The following EDC3 variants were observed in gnomAD, a reference collection of about 807,000 sequenced individuals.
EDC3 encodes enhancer of mRNA decapping 3, also known as enhancer of mRNA-decapping protein 3.
Under a neutral mutation model 41.8 loss-of-function variants are expected in EDC3, and 20 were observed. The ratio of observed to expected loss-of-function variants is 0.48; its 90% CI spans 0.34 to 0.70. EDC3 has a LOEUF of 0.70. Among genes scored for constraint, EDC3 ranks in the 30% least tolerant of loss-of-function variants. EDC3 has a pLI of 0.01. For missense variants in EDC3, 444 were observed against 636.8 expected, an observed-to-expected ratio of 0.70 and a Z score of 3.26; for synonymous variants, 206 against 243.2, an observed-to-expected ratio of 0.85 and a Z score of 1.42.
intron 1 of EDC3, among the ~76,000 whole-genome samples, chr15:74,689,548 G>C (rs778608153): frequency 1.1e-4 from 16 of 149,758 alleles, no homozygotes; most frequent in Non-Finnish European, 2.2e-4. Flanking sequence ...TTTTTGAGAC[G>C]GAGTCTCGCT....
chr15:74,639,063 A>AT (rs1478103256), intron 5 of EDC3: 1 of 152,008 alleles, frequency 6.6e-6, no homozygotes, highest in Non-Finnish European at 1.5e-5. Context: ...GATTATAGGC[A>AT]TGCCTCACCA....
chr15:74,655,695 A>G (rs1191703631), intron 4 of EDC3, 38 bp downstream of exon 4: 1 of 1,556,748 alleles, frequency 6.4e-7, no homozygotes, highest in African/African-American at 1.4e-5. Flanking sequence ...TAGAAAGGCA[A>G]CAGCAACCAG....
At chr15:74,673,767 G>T (rs1436281103) in intron 2 of EDC3, among the ~76,000 whole-genome samples, 1 of 151,498 alleles carries the variant, frequency 6.6e-6, no homozygotes, top group Non-Finnish European at 1.5e-5. Flanking sequence ...ATGAACCCGG[G>T]AGATGGAGTT....
chr15:74,648,820 G>A (rs2062446278), intron 4 of EDC3, among the ~76,000 whole-genome samples: 2 of 152,116 alleles, frequency 1.3e-5, no homozygotes, highest in Non-Finnish European at 2.9e-5. Flanking sequence ...GACAGAAGAG[G>A]GCTGCACAGT....
chr15:74,657,379 T>G (rs1339450619), intron 3 of EDC3, among the ~76,000 whole-genome samples: 9 of 152,244 alleles, frequency 5.9e-5, no homozygotes. Context: ...ACAGTGGGTC[T>G]GAGTGAGTGG....
chr15:74,686,112 G>A (rs1334029124), intron 1 of EDC3, among the ~76,000 whole-genome samples: 1 of 151,388 alleles, frequency 6.6e-6, no homozygotes, highest in East Asian at 2.0e-4. Context: ...GGATCACAAG[G>A]TCAGGAGTTC....
At chr15:74,669,668 C>A (rs2062717540) in intron 3 of EDC3, among the ~76,000 whole-genome samples, 1 of 152,074 alleles carries the variant, frequency 6.6e-6, no homozygotes, top group African/African-American at 2.4e-5. Flanking sequence ...GCCACCAGGA[C>A]CACAGTGTGA....
Position 74,649,382 on chromosome 15 carries a change from G to A in EDC3, c.820+6351C>T, listed in dbSNP as rs1247484975. Among the ~76,000 whole-genome samples the A allele has an allele frequency of 2.6e-5, 4 of 152,116 alleles. No homozygotes were observed. The East Asian group carries it at 7.7e-4, about 29-fold the overall frequency. ...CAGCCTCCTGCCTCAGCCTCCCAAA[G>A]TGGTGGGATTACAGGTGTGAGCCAC... is the stretch of plus-strand genomic sequence containing the variant. On this transcript the variant is annotated intron_variant, in intron 4 of 6. Coordinates refer to ENST00000315127, the MANE Select transcript of EDC3 (RefSeq NM_025083.5).
chr15:74,657,471 C>A (rs1020944585), intron 3 of EDC3, among the ~76,000 whole-genome samples: 6 of 152,264 alleles, frequency 3.9e-5, no homozygotes, highest in African/African-American at 1.4e-4. Flanking sequence ...CTCTCGCACA[C>A]TCCCTTCTGC....
intron 3 of EDC3, among the ~76,000 whole-genome samples, chr15:74,661,572 G>A (rs1192558945): frequency 6.6e-6 from 1 of 151,828 alleles, no homozygotes; most frequent in African/African-American, 2.4e-5. Context: ...GAGGTCAGAA[G>A]TTCGAGACCA....
At chr15:74,633,213 AGT>A (rs1411455316) in intron 6 of EDC3, among the ~76,000 whole-genome samples, 4 of 152,192 alleles carry the variant, frequency 2.6e-5, no homozygotes, top group Non-Finnish European at 4.4e-5. Context: ...TGTCGTCCTG[AGT>A]GTGCAGAGCT....
chr15:74,674,663 G>A (rs75672594), intron 2 of EDC3, among the ~76,000 whole-genome samples: 5,129 of 152,298 alleles, frequency 0.034, 122 homozygotes, highest in Middle Eastern at 0.12. Context: ...ATCTAAGGGA[G>A]AGGGTTGTTT....
chr15:74,633,062 C>T (rs1303698673), intron 6 of EDC3, 116 bp from the exon 7 acceptor site: 2 of 1,100,048 alleles, frequency 1.8e-6, no homozygotes, highest in Non-Finnish European at 2.6e-6. Flanking sequence ...CACTCGAATG[C>T]CTCTCCAAAG....
chr15:74,640,415 G>C, intron 5 of EDC3, 51 bp downstream of exon 5: 1 of 1,596,024 alleles, frequency 6.3e-7, no homozygotes, highest in Non-Finnish European at 8.6e-7. Flanking sequence ...TGGTGGCCAG[G>C]CAGAGCATCC....
At chr15:74,655,370 G>A (rs550639272) in intron 4 of EDC3, among the ~76,000 whole-genome samples, 1 of 152,286 alleles carries the variant, frequency 6.6e-6, no homozygotes, top group South Asian at 2.1e-4. Flanking sequence ...GTAAAACAGA[G>A]TTGAAGTCTG....
chr15:74,644,342 T>G (rs1423975921), intron 4 of EDC3: 1 of 152,228 alleles, frequency 6.6e-6, no homozygotes, highest in African/African-American at 2.4e-5. Flanking sequence ...GGCTCTATTC[T>G]CTCTTCCAAT....
chr15:74,631,566 TG>T lies in EDC3; in HGVS notation c.*1045del, dbSNP rs2062208577. On this transcript the variant is annotated 3_prime_UTR_variant, in exon 7 of 7. Coordinates refer to ENST00000315127, the MANE Select transcript of EDC3 (RefSeq NM_025083.5). ...TGTAAAAGGTTCAAAGCCCAGATGA[TG>T]TAAGAGCTGGGGTGGAGCTCAAGCA... The T allele has an allele frequency of 6.6e-6, 1 of 152,348 alleles. No homozygotes were observed. Among genetic ancestry groups the T allele is most frequent in the Non-Finnish European group, 1.5e-5 (1 of 68,104 alleles). 9.4% of individuals were successfully genotyped at this position (152,348 alleles called of 1,614,324 possible).
intron 1 of EDC3, among the ~76,000 whole-genome samples, chr15:74,677,483 C>T (rs2062819939): frequency 6.6e-6 from 1 of 151,778 alleles, no homozygotes; most frequent in Non-Finnish European, 1.5e-5. Flanking sequence ...CCTGCCTCAG[C>T]CTTCCAAGTA....
At chr15:74,635,122 A>G in intron 6 of EDC3, 1 of 624,870 alleles carries the variant, frequency 1.6e-6, no homozygotes, top group Non-Finnish European at 3.0e-6. Flanking sequence ...AGAAGAATGG[A>G]TTTAAAAAAA....
Sources: gnomAD v4.1 joint callset for allele counts (sites outside exome capture counted in the v4.1 genomes callset) on GRCh38, gnomAD v4.1.1 for gene constraint, MANE v1.5 for transcripts, NCBI Gene and HGNC (gene_info 2026-07-23, HGNC 2026-07-21) for gene names.